SLC45A4: variants seen among roughly 807,000 people sequenced by gnomAD.
The protein encoded by SLC45A4 is solute carrier family 45 member 4.
In SLC45A4, 32 loss-of-function variants were observed where a neutral mutation model predicts 63.7. The observed-to-expected ratio is 0.50, with a 90% CI of 0.38 to 0.67. SLC45A4 has a LOEUF of 0.67. Ranked by LOEUF, SLC45A4 falls within the 30% of genes least tolerant of loss-of-function variation. The pLI, the probability that SLC45A4 is intolerant of heterozygous loss-of-function variation, is 0.00. For synonymous variants in SLC45A4, 535 were observed against 510.0 expected (o/e 1.05, Z -0.66); for missense variants, 1,027 against 1,157.7 (o/e 0.89, Z 1.64).
In SLC45A4 at chr8:141,282,811, G is replaced by A. The variant is rs1316311711; in HGVS notation, c.-401+25285C>T. Among the ~76,000 whole-genome samples the A allele has an allele frequency of 5.9e-5, 9 of 152,278 alleles. No homozygotes were observed. The East Asian group carries it at 1.7e-3, about 29-fold the overall frequency. On this transcript the variant is annotated intron_variant, in intron 1 of 8. Coordinates refer to ENST00000517878, the MANE Select transcript of SLC45A4 (RefSeq NM_001286646.2). Reference sequence around the variant, plus strand: ...GGCAGCTGCAAGTCCGTGGGCCTGAGCTCAGCTCCTTTCCCGCTCAAGTGC... The same window carrying A: ...GGCAGCTGCAAGTCCGTGGGCCTGAACTCAGCTCCTTTCCCGCTCAAGTGC...
intron 1 of SLC45A4, among the ~76,000 whole-genome samples, chr8:141,277,907 G>GA (rs1033779832): frequency 2.0e-5 from 3 of 152,118 alleles, no homozygotes; most frequent in Non-Finnish European, 4.4e-5. Context: ...CTCACAAAGT[G>GA]AAAAAAACAA....
At chr8:141,230,308 C>T (rs558033998) in intron 2 of SLC45A4, 23 of 357,154 alleles carry the variant, frequency 6.4e-5, no homozygotes, top group Non-Finnish European at 8.3e-5. Flanking sequence ...AAGGGAGGGC[C>T]GCTCCTGAAG....
intron 1 of SLC45A4, among the ~76,000 whole-genome samples, chr8:141,263,734 T>C (rs200884964): frequency 1.5e-4 from 21 of 140,588 alleles, no homozygotes; most frequent in African/African-American, 4.6e-4. Context: ...TGCGCCACTG[T>C]ACTCCAGCCT....
intron 1 of SLC45A4, among the ~76,000 whole-genome samples, chr8:141,297,304 G>A (rs1482593292): frequency 6.6e-6 from 1 of 152,134 alleles, no homozygotes; most frequent in African/African-American, 2.4e-5. Context: ...TGGCAATGCG[G>A]CAAGTGGATG....
At chr8:141,264,622 G>T (rs890237953) in intron 1 of SLC45A4, among the ~76,000 whole-genome samples, 6 of 152,114 alleles carry the variant, frequency 3.9e-5, no homozygotes, top group South Asian at 2.1e-4. Context: ...AAACTAGCCT[G>T]GGGGGAGCCA....
chr8:141,263,555 C>G (rs1235073642), intron 1 of SLC45A4, among the ~76,000 whole-genome samples: 3 of 151,252 alleles, frequency 2.0e-5, no homozygotes, highest in African/African-American at 7.3e-5. Context: ...ATCACGACGT[C>G]AGATCAAGAC....
intron 3 of SLC45A4, among the ~76,000 whole-genome samples, chr8:141,220,279 G>A (rs1826525403): frequency 6.6e-6 from 1 of 152,182 alleles, no homozygotes; most frequent in South Asian, 2.1e-4. Context: ...CGCGAGGCAG[G>A]CGCAGGGGGT....
At chr8:141,287,815 C>T (rs539684948) in intron 1 of SLC45A4, among the ~76,000 whole-genome samples, 5 of 152,242 alleles carry the variant, frequency 3.3e-5, no homozygotes, top group South Asian at 2.1e-4. Flanking sequence ...GGTGAGGAGA[C>T]GGCTCTCAGA....
chr8:141,299,182 T>G (rs1830663148), intron 1 of SLC45A4, among the ~76,000 whole-genome samples: 2 of 152,204 alleles, frequency 1.3e-5, no homozygotes, highest in South Asian at 4.1e-4. Context: ...GGGTGGCTTC[T>G]GGAAGGTCAC....
Position 141,229,486 on chromosome 8 carries a change from T to C in SLC45A4, c.242-7721A>G, listed in dbSNP as rs1827224727. Among the ~76,000 whole-genome samples the C allele has an allele frequency of 6.6e-6, 1 of 152,100 alleles. No homozygotes were observed. The highest frequency in any genetic ancestry group is 2.4e-5 in the African/African-American group (1 of 41,416). The stretch of plus-strand genomic sequence containing the variant: ...CACTGGGGAGGGTCCAGCCAGTGCC[T>C]TCCCCGGGTAGGGGCAGCTCCCCTG... On this transcript the variant is annotated intron_variant, in intron 2 of 8. Transcript: ENST00000517878. The surrounding 1 kb of genome is among the most constrained non-coding windows in gnomAD (Gnocchi z 5.0).
chr8:141,246,375 G>A (rs1284538707), intron 2 of SLC45A4, among the ~76,000 whole-genome samples: 2 of 141,118 alleles, frequency 1.4e-5, no homozygotes, highest in African/African-American at 5.2e-5. Context: ...CTCTGGTTTG[G>A]GGCCTCTCAC....
chr8:141,281,393 G>A (rs1391577906), intron 1 of SLC45A4, among the ~76,000 whole-genome samples: 1 of 152,178 alleles, frequency 6.6e-6, no homozygotes, highest in East Asian at 1.9e-4. Context: ...ACTGTGACAG[G>A]CTCAGCCCTC....
At chr8:141,214,397 T>C (rs1247271372) in intron 7 of SLC45A4, among the ~76,000 whole-genome samples, 2 of 152,084 alleles carry the variant, frequency 1.3e-5, no homozygotes, top group Non-Finnish European at 2.9e-5. Flanking sequence ...GCTGTGTAAG[T>C]AGATGGCCCA....
At chr8:141,257,135 G>A (rs1828833909) in intron 1 of SLC45A4, among the ~76,000 whole-genome samples, 1 of 152,100 alleles carries the variant, frequency 6.6e-6, no homozygotes, top group Admixed American at 6.5e-5. Context: ...TACAAGCGTG[G>A]GGCACCACAC....
At chr8:141,298,266 G>A (rs1437707542) in intron 1 of SLC45A4, among the ~76,000 whole-genome samples, 1 of 152,274 alleles carries the variant, frequency 6.6e-6, no homozygotes, top group African/African-American at 2.4e-5. Context: ...ACAGTAAGAA[G>A]TTTTTAAGAA....
intron 2 of SLC45A4, among the ~76,000 whole-genome samples, chr8:141,223,879 G>C (rs75115044): frequency 6.6e-6 from 1 of 152,210 alleles, no homozygotes; most frequent in Non-Finnish European, 1.5e-5. Flanking sequence ...GACCCACAGA[G>C]GGCTCGAACA....
chr8:141,217,118 A>C lies in SLC45A4; in HGVS notation c.1701T>G (p.Ile567Met), dbSNP rs553495013. The C allele has an allele frequency of 3.7e-5, 59 of 1,613,950 alleles. No individual in the cohort carries two copies. The East Asian group carries it at 1.3e-3, about 35-fold the overall frequency. Residue 567 changes from isoleucine (I) to methionine (M), a missense_variant, in exon 6 of 9, where the codon ATT (isoleucine) becomes ATG (methionine). Coordinates refer to ENST00000517878, the MANE Select transcript of SLC45A4 (RefSeq NM_001286646.2). ...AACAAATAGCACCAGTGGCGGCATA[A>C]ATGACCAGGCCCCAGCAGCCCATCT... ...GVKMGCWGLVIYAATGAICSA... is the reference protein window; with the variant it reads ...GVKMGCWGLVMYAATGAICSA...
chr8:141,288,169 T>G (rs995931290), intron 1 of SLC45A4, among the ~76,000 whole-genome samples: 2 of 152,034 alleles, frequency 1.3e-5, no homozygotes, highest in African/African-American at 4.8e-5. Context: ...GCGACAGGCT[T>G]GAGTATGTCT....
intron 1 of SLC45A4, among the ~76,000 whole-genome samples, chr8:141,291,974 C>A (rs934219328): frequency 1.3e-5 from 2 of 152,346 alleles, no homozygotes; most frequent in South Asian, 2.1e-4. Flanking sequence ...GGGACACTAC[C>A]GCTCAACCCT....
Sources: gnomAD v4.1 joint callset for allele counts (sites outside exome capture counted in the v4.1 genomes callset) on GRCh38, gnomAD v4.1.1 for gene constraint, Gnocchi (gnomAD v3.1) non-coding constraint, MANE v1.5 for transcripts, NCBI Gene and HGNC (gene_info 2026-07-23, HGNC 2026-07-21) for gene names.